KAZN: variants seen among roughly 807,000 people sequenced by gnomAD.
The protein encoded by KAZN is kazrin.
A neutral mutation model predicts 87.4 loss-of-function variants in KAZN; 40 were observed. The ratio of observed to expected loss-of-function variants is 0.46; its 90% confidence interval spans 0.36 to 0.60. KAZN has a LOEUF of 0.60. KAZN is among the 20% of genes least tolerant of loss of function. The pLI is 0.00. For missense variants in KAZN, 898 were observed against 1,073.9 expected (o/e 0.84, Z 2.29); for synonymous variants, 466 against 458.3 (o/e 1.02, Z -0.22).
intron 2 of KAZN, among the ~76,000 whole-genome samples, chr1:14,444,872 G>C (rs1030088319): frequency 1.3e-5 from 2 of 152,128 alleles, no homozygotes; most frequent in Non-Finnish European, 1.5e-5. Context: ...GTTACAAATA[G>C]TTTCATGTTA....
chr1:14,679,416 G>C (rs1183555602), intron 1 of KAZN, among the ~76,000 whole-genome samples: 1 of 152,116 alleles, frequency 6.6e-6, no homozygotes, highest in Admixed American at 6.5e-5. Context: ...CTGGCCCTGG[G>C]GTGATATGGG....
intron 2 of KAZN, among the ~76,000 whole-genome samples, chr1:14,337,226 A>T (rs534403863): frequency 6.6e-6 from 1 of 152,234 alleles, no homozygotes; most frequent in African/African-American, 2.4e-5. Context: ...AGAAGAATAA[A>T]TATGGTGCAG....
chr1:14,231,503 G>A (rs1647846519), intron 2 of KAZN, among the ~76,000 whole-genome samples: 1 of 152,182 alleles, frequency 6.6e-6, no homozygotes, highest in South Asian at 2.1e-4. Flanking sequence ...GTCAAATGGT[G>A]TGTTAGAAAG....
intron 1 of KAZN, among the ~76,000 whole-genome samples, chr1:14,614,049 G>T (rs1432377040): frequency 6.6e-6 from 1 of 152,106 alleles, no homozygotes; most frequent in East Asian, 1.9e-4. Context: ...AACAGAACTG[G>T]CCCCATGCTA....
intron 1 of KAZN, among the ~76,000 whole-genome samples, chr1:14,932,449 G>C (rs892630657): frequency 6.6e-5 from 10 of 152,182 alleles, no homozygotes; most frequent in Admixed American, 3.9e-4. Context: ...GGGAGGTTTC[G>C]AGGAGAGCCT....
intron 1 of KAZN, among the ~76,000 whole-genome samples, chr1:14,601,358 A>T (rs1035869759): frequency 6.6e-6 from 1 of 152,240 alleles, no homozygotes; most frequent in African/African-American, 2.4e-5. Context: ...AAGCCCCCGT[A>T]TAAGTTCAGT....
chr1:14,038,446 A>G (rs1161170985), intron 1 of KAZN, among the ~76,000 whole-genome samples: 1 of 152,184 alleles, frequency 6.6e-6, no homozygotes, highest in African/African-American at 2.4e-5. Context: ...TTTAAAGGAC[A>G]GCACCTGGGA....
intron 2 of KAZN, among the ~76,000 whole-genome samples, chr1:14,194,276 C>G (rs1646481840): frequency 6.6e-6 from 1 of 152,144 alleles, no homozygotes; most frequent in Non-Finnish European, 1.5e-5. Flanking sequence ...TGGACAGAGT[C>G]ATGCTGCTAC....
At chr1:14,504,134 T>C in intron 2 of KAZN, among the ~76,000 whole-genome samples, 1 of 152,206 alleles carries the variant, frequency 6.6e-6, no homozygotes, top group East Asian at 1.9e-4. Context: ...CCCCAGAGCT[T>C]GTCATAATGA....
intron 2 of KAZN, among the ~76,000 whole-genome samples, chr1:14,479,570 A>G (rs72860740): frequency 0.047 from 7,216 of 152,104 alleles, 590 homozygotes; most frequent in African/African-American, 0.16. Flanking sequence ...TTCCCTTCCC[A>G]TTTGCATTCC....
rs146929826 is a variant in KAZN, at chr1:14,577,613, C to T, written c.250-21370C>T. 1.7e-3 allele frequency among the ~76,000 whole-genome samples: 260 copies of T among 152,258 alleles called. 1 individual carries two copies. Among genetic ancestry groups the T allele is most frequent in the African/African-American group, 6.1e-3 (252 of 41,542 alleles). On this transcript the variant is annotated intron_variant, in intron 2 of 16. Coordinates refer to the KAZN transcript ENST00000636203. ...CAGCCCTTCAGCTGCTAGTGGTCAG[C>T]ACATGGTCATCACAGGCCACTGGTT... is the stretch of plus-strand genomic sequence containing the variant.
At chr1:13,912,032 G>A (rs985395408) in intron 1 of KAZN, among the ~76,000 whole-genome samples, 9 of 152,162 alleles carry the variant, frequency 5.9e-5, no homozygotes, top group African/African-American at 2.2e-4. Context: ...ATGTGAAGTG[G>A]AGATGGCAAG....
chr1:15,009,281 C>G (rs1305173165), intron 2 of KAZN, among the ~76,000 whole-genome samples: 1 of 152,212 alleles, frequency 6.6e-6, no homozygotes, highest in Non-Finnish European at 1.5e-5. Context: ...AAGCAGCAGT[C>G]ACATTCCCCT....
chr1:14,798,729 C>T (rs1303907043), intron 1 of KAZN, among the ~76,000 whole-genome samples: 3 of 151,702 alleles, frequency 2.0e-5, no homozygotes, highest in Admixed American at 6.6e-5. Flanking sequence ...CCACCACGCC[C>T]GGCCCACTTT....
At chr1:14,180,645 T>A (rs552095518) in intron 2 of KAZN, 140 of 1,484,348 alleles carry the variant, frequency 9.4e-5, no homozygotes, top group Non-Finnish European at 1.2e-4. Context: ...TCTTTTTTTC[T>A]TTTTGGCATA....
chr1:14,053,949 A>G (rs1434578452), intron 1 of KAZN, among the ~76,000 whole-genome samples: 8 of 152,232 alleles, frequency 5.3e-5, no homozygotes, highest in African/African-American at 1.9e-4. Context: ...GGGAAGCATA[A>G]GGAAGAGGAA....
At chr1:14,408,391 T>TC (rs1231083112) in intron 2 of KAZN, among the ~76,000 whole-genome samples, 5 of 152,178 alleles carry the variant, frequency 3.3e-5, no homozygotes, top group African/African-American at 1.2e-4. Context: ...GCACTGTAGA[T>TC]CCCATAGATT....
At chr1:14,207,968 C>T (rs1170638169) in intron 2 of KAZN, among the ~76,000 whole-genome samples, 1 of 152,210 alleles carries the variant, frequency 6.6e-6, no homozygotes, top group Non-Finnish European at 1.5e-5. Flanking sequence ...GTTCTATTCT[C>T]CTGATGCACA....
At chr1:14,604,151 T>G (rs1677182587) in intron 1 of KAZN, among the ~76,000 whole-genome samples, 1 of 152,150 alleles carries the variant, frequency 6.6e-6, no homozygotes, top group Non-Finnish European at 1.5e-5. Context: ...GAAATAGGTC[T>G]CAGTGTTTGG....
Sources: allele counts gnomAD v4.1 joint callset (sites outside exome capture counted in the v4.1 genomes callset), GRCh38; gene constraint gnomAD v4.1.1; transcripts MANE v1.5; gene names NCBI Gene and HGNC (gene_info 2026-07-23, HGNC 2026-07-21).